Variants in STAT5A observed in about 807,000 individuals in gnomAD.
The protein encoded by STAT5A is signal transducer and activator of transcription 5A.
A neutral mutation model predicts 100.2 loss-of-function variants in STAT5A; 26 were observed. That is an observed-to-expected ratio of 0.26 (90% CI 0.19 to 0.36). The LOEUF (loss-of-function observed/expected upper bound fraction) is 0.36, where lower values mean the gene tolerates loss of function less well. Among genes scored for constraint, STAT5A ranks in the 10% least tolerant of loss-of-function variants. The pLI is 1.00. For synonymous variants in STAT5A, 330 were observed against 424.3 expected, an observed-to-expected ratio of 0.78 and a Z score of 2.73; for missense variants, 634 against 1,027.5, an observed-to-expected ratio of 0.62 and a Z score of 5.24.
At chr17:42,295,880 T>G (rs989772716) in intron 5 of STAT5A, 87 bp downstream of exon 5, 2 of 1,548,244 alleles carry the variant, frequency 1.3e-6, no homozygotes, top group African/African-American at 2.7e-5. Flanking sequence ...TGGGTCAGTG[T>G]CCATCTCCTC....
At position 42,310,822 on chromosome 17, in the gene STAT5A, T is replaced by G; in HGVS notation, c.*153T>G. 7.4e-7 allele frequency: 1 copy of G among 1,343,044 alleles called. No individual in the cohort carries two copies. 83.2% of individuals were successfully genotyped at this position (1,343,044 alleles called of 1,614,324 possible). A position where few individuals can be genotyped will look rare whatever the true frequency, so the allele number is the denominator to read the frequency against. On this transcript the variant is annotated 3_prime_UTR_variant, in exon 19 of 19. Coordinates refer to ENST00000590949, the MANE Select transcript of STAT5A (RefSeq NM_001288718.2). ...TGTGTCCTTGTGCATGAGCTACGCC[T>G]GCCTCCCCTGTGCAGTCCTGGGATG...
In STAT5A at chr17:42,304,158, G is replaced by T. The variant is rs1209849340; in HGVS notation, c.1170-184G>T. ...CACCACTGGAGACCTTGCCTTGGGT[G>T]CTGGGCACCAGGTTGATGGAGAAGT... is the stretch of plus-strand genomic sequence containing the variant. On this transcript the variant is annotated intron_variant, in intron 9 of 18. Coordinates refer to ENST00000590949, the MANE Select transcript of STAT5A (RefSeq NM_001288718.2). This position sits in a 1 kb window ranked among gnomAD's most constrained non-coding sequence, Gnocchi z 4.8. The T allele has an allele frequency of 5.0e-6, 3 of 605,530 alleles. No homozygotes were observed. Among genetic ancestry groups the T allele is most frequent in the African/African-American group, 1.8e-5 (1 of 54,082 alleles). 37.5% of individuals were successfully genotyped at this position (605,530 alleles called of 1,614,324 possible). A position where few individuals can be genotyped will look rare whatever the true frequency, so the allele number is the denominator to read the frequency against.
intron 5 of STAT5A, among the ~76,000 whole-genome samples, 163 bp from the exon 6 acceptor site, chr17:42,299,588 C>T (rs567810475): frequency 2.6e-5 from 4 of 152,336 alleles, no homozygotes; most frequent in East Asian, 1.9e-4. Context: ...CCTCCTGAGG[C>T]GCCATTCATC....
chr17:42,305,742 C>A, intron 12 of STAT5A, 40 bp downstream of exon 12: 2 of 1,599,194 alleles, frequency 1.3e-6, no homozygotes, highest in South Asian at 2.2e-5. Context: ...ACCCCCAGGC[C>A]CTAGGACTCA....
chr17:42,310,180 C>CG (rs1421700450), intron 18 of STAT5A, among the ~76,000 whole-genome samples: 18 of 152,278 alleles, frequency 1.2e-4, no homozygotes, highest in African/African-American at 4.1e-4. Flanking sequence ...GTGAACGGGG[C>CG]GGTGCCTACC....
chr17:42,290,055 G>T, intron 3 of STAT5A, 33 bp downstream of exon 3: 2 of 1,571,504 alleles, frequency 1.3e-6, no homozygotes, highest in Non-Finnish European at 1.7e-6. Context: ...CTACGGGGAG[G>T]AAGCATCATC....
At chr17:42,291,545 C>T (rs1191851299) in intron 3 of STAT5A, among the ~76,000 whole-genome samples, 1 of 151,994 alleles carries the variant, frequency 6.6e-6, no homozygotes, top group Non-Finnish European at 1.5e-5. Context: ...GGAGAAACCC[C>T]GCCTCTACTA....
intron 5 of STAT5A, 121 bp from the exon 6 acceptor site, chr17:42,299,630 T>C: frequency 2.6e-6 from 4 of 1,524,230 alleles, no homozygotes; most frequent in Non-Finnish European, 3.5e-6. Context: ...AACCCCGACT[T>C]GCTCTTGATG....
At chr17:42,309,187 C>T (rs2081057003) in intron 17 of STAT5A, 89 bp downstream of exon 17, 1 of 1,608,534 alleles carries the variant, frequency 6.2e-7, no homozygotes, top group South Asian at 1.1e-5. Flanking sequence ...GCCCAGCTTT[C>T]CGCTCCCCCA....
intron 4 of STAT5A, among the ~76,000 whole-genome samples, chr17:42,294,164 T>A (rs138308403): frequency 1.3e-5 from 2 of 150,902 alleles, no homozygotes; most frequent in Admixed American, 6.6e-5. Flanking sequence ...TGCAGTGAGC[T>A]GAGATTGCAC....
chr17:42,290,186 T>C (rs1329212951), intron 3 of STAT5A, 164 bp downstream of exon 3: 7 of 1,073,436 alleles, frequency 6.5e-6, no homozygotes, highest in African/African-American at 3.3e-5. Context: ...AAATTCGACC[T>C]GTCGGATTTC....
At chr17:42,305,515 A>G (rs1271942897) in intron 11 of STAT5A, 95 bp from the exon 12 acceptor site, 1 of 1,055,740 alleles carries the variant, frequency 9.5e-7, no homozygotes, top group African/African-American at 1.6e-5. Flanking sequence ...AAAAAAAAAT[A>G]CATAAAAAAA....
intron 4 of STAT5A, among the ~76,000 whole-genome samples, chr17:42,294,113 G>A (rs541373778): frequency 2.6e-5 from 4 of 152,054 alleles, no homozygotes; most frequent in Non-Finnish European, 4.4e-5. Flanking sequence ...CTACTCGGGC[G>A]GCTGAGGCAG....
In STAT5A at chr17:42,308,946, AG is replaced by A; in HGVS notation, c.2063-99del. On this transcript the variant is annotated intron_variant, in intron 16 of 18. Transcript: ENST00000590949. This position sits in a 1 kb window ranked among gnomAD's most constrained non-coding sequence, Gnocchi z 4.6. ...AAATCTCATCCCAGCTGAGAACACA[AG>A]GTGATGTGAGCAGGAGGGAGACTAC... 3 of 1,450,836 alleles carry A rather than the reference AG, an allele frequency of 2.1e-6. No individual in the cohort carries two copies. The highest frequency in any genetic ancestry group is 2.9e-6 in the Non-Finnish European group (3 of 1,036,398). 89.9% of individuals were successfully genotyped at this position (1,450,836 alleles called of 1,614,324 possible).
intron 2 of STAT5A, 37 bp downstream of exon 2, chr17:42,289,576 C>T: frequency 6.2e-7 from 1 of 1,604,124 alleles, no homozygotes; most frequent in Non-Finnish European, 8.5e-7. Flanking sequence ...TCAGAGGGTC[C>T]CTACCATCCA....
chr17:42,306,036 C>G (rs1488071110), intron 12 of STAT5A: 2 of 841,718 alleles, frequency 2.4e-6, no homozygotes, highest in Middle Eastern at 2.4e-4. Context: ...CCCCCACCCC[C>G]TGCATCGGTT....
upstream of STAT5A, chr17:42,288,181 C>A (rs1397506200): frequency 6.6e-6 from 1 of 152,236 alleles, no homozygotes; most frequent in Non-Finnish European, 1.5e-5. The surrounding 1 kb of genome is among the most constrained non-coding windows in gnomAD (Gnocchi z 4.8). Context: ...CGGGATTTCC[C>A]GGCAACGCCC....
At chr17:42,292,113 C>T (rs564703379) in intron 4 of STAT5A, 52 bp downstream of exon 4, 2 of 1,592,476 alleles carry the variant, frequency 1.3e-6, no homozygotes, top group Admixed American at 1.7e-5. Flanking sequence ...CTCCATATGC[C>T]TTTCTCTCCA....
At chr17:42,305,538 T>C (rs1204665875) in intron 11 of STAT5A, 72 bp from the exon 12 acceptor site, 11 of 1,214,376 alleles carry the variant, frequency 9.1e-6, no homozygotes, top group Non-Finnish European at 1.3e-5. Flanking sequence ...TAAAGCAGAT[T>C]GGGCATGTTG....
Sources: gnomAD v4.1 joint callset for allele counts (sites outside exome capture counted in the v4.1 genomes callset) on GRCh38, gnomAD v4.1.1 for gene constraint, Gnocchi (gnomAD v3.1) non-coding constraint, MANE v1.5 for transcripts, NCBI Gene and HGNC (gene_info 2026-07-23, HGNC 2026-07-21) for gene names.